Variants in TRPC4 observed in about 807,000 individuals in gnomAD.
TRPC4 encodes short transient receptor potential channel 4.
In TRPC4, 49 loss-of-function variants were observed where a neutral mutation model predicts 99.4. That is an observed-to-expected ratio of 0.49 (90% confidence interval 0.39 to 0.63). The LOEUF (loss-of-function observed/expected upper bound fraction) is 0.63. TRPC4 is among the 20% of genes least tolerant of loss of function. TRPC4 has a pLI of 0.00. For synonymous variants in TRPC4, 454 were observed against 425.9 expected (o/e 1.07, Z -0.81); for missense variants, 898 against 1,152.9 (o/e 0.78, Z 3.20).
At chr13:37,696,682 G>A (rs1953914433) in intron 3 of TRPC4, among the ~76,000 whole-genome samples, 1 of 152,116 alleles carries the variant, frequency 6.6e-6, no homozygotes, top group African/African-American at 2.4e-5. Flanking sequence ...TTTACATAAG[G>A]GCAATCTGAT....
At chr13:37,797,991 T>C (rs1034781371) in intron 1 of TRPC4, among the ~76,000 whole-genome samples, 1 of 152,194 alleles carries the variant, frequency 6.6e-6, no homozygotes, top group Non-Finnish European at 1.5e-5. Context: ...GGCACTTAGA[T>C]AGTGAAGACT....
intron 3 of TRPC4, among the ~76,000 whole-genome samples, chr13:37,731,056 A>G (rs890262597): frequency 5.9e-5 from 9 of 152,048 alleles, no homozygotes; most frequent in Non-Finnish European, 2.9e-5. Flanking sequence ...ATTAAGAAAA[A>G]AAATTCTATA....
At chr13:37,727,358 T>A (rs1302813517) in intron 3 of TRPC4, among the ~76,000 whole-genome samples, 1 of 151,114 alleles carries the variant, frequency 6.6e-6, no homozygotes, top group Non-Finnish European at 1.5e-5. Flanking sequence ...ACAAGAAAAA[T>A]TAGAAAATAA....
At chr13:37,720,490 T>G (rs958337028) in intron 3 of TRPC4, among the ~76,000 whole-genome samples, 8 of 152,094 alleles carry the variant, frequency 5.3e-5, no homozygotes. Context: ...CCTAGAATCA[T>G]TTTTTCTGCG....
At chr13:37,775,378 A>AT (rs1428842485) in intron 2 of TRPC4, among the ~76,000 whole-genome samples, 1 of 148,466 alleles carries the variant, frequency 6.7e-6, no homozygotes, top group East Asian at 2.0e-4. Context: ...TTTTGTTTAG[A>AT]TTTTTTTGCT....
intron 7 of TRPC4, among the ~76,000 whole-genome samples, chr13:37,653,594 C>G (rs1347164790): frequency 6.6e-6 from 1 of 152,108 alleles, no homozygotes; most frequent in Non-Finnish European, 1.5e-5. Context: ...TTCTCAGTGA[C>G]TCTTTGGTTC....
At chr13:37,649,542 G>A (rs1341293683) in intron 8 of TRPC4, among the ~76,000 whole-genome samples, 1 of 151,800 alleles carries the variant, frequency 6.6e-6, no homozygotes, top group African/African-American at 2.4e-5. Flanking sequence ...AGACCAACCT[G>A]GCTAACATGA....
chr13:37,846,604 A>C (rs1400797903), intron 1 of TRPC4, among the ~76,000 whole-genome samples: 1 of 151,934 alleles, frequency 6.6e-6, no homozygotes, highest in East Asian at 1.9e-4. Flanking sequence ...GCATACCGCC[A>C]CAGAAAACCA....
chr13:37,836,873 C>CCATCA (rs1228763491), intron 1 of TRPC4, among the ~76,000 whole-genome samples: 2 of 152,188 alleles, frequency 1.3e-5, no homozygotes, highest in Admixed American at 6.5e-5. Context: ...GCAGCCCCTC[C>CCATCA]CATCACAGGC....
chr13:37,804,386 G>A (rs139704441), intron 1 of TRPC4, among the ~76,000 whole-genome samples: 4 of 152,112 alleles, frequency 2.6e-5, no homozygotes, highest in African/African-American at 7.2e-5. Flanking sequence ...GCAATCTGGC[G>A]CCAGACTCCA....
intron 1 of TRPC4, among the ~76,000 whole-genome samples, chr13:37,801,351 C>G (rs1234584151): frequency 2.6e-5 from 4 of 152,044 alleles, no homozygotes; most frequent in Non-Finnish European, 5.9e-5. Flanking sequence ...ACAATGTTCT[C>G]CTGCATCATC....
chr13:37,646,508 C>T (rs754698205), intron 8 of TRPC4, among the ~76,000 whole-genome samples: 1 of 152,042 alleles, frequency 6.6e-6, no homozygotes, highest in African/African-American at 2.4e-5. Context: ...TTAAATGGAT[C>T]GGGACCTTTT....
In TRPC4 at chr13:37,692,163, A is replaced by T. The variant is rs1473024419; in HGVS notation, c.1070T>A (p.Leu357Gln). 8 of 1,614,044 alleles carry T rather than the reference A, an allele frequency of 5.0e-6. No homozygotes were observed. The African/African-American group carries it at 9.3e-5, about 19-fold the overall frequency. The change falls in exon 4 of 11, where the codon CTG becomes CAG. Residue 357 changes from leucine to glutamine, a missense_variant. By Grantham distance (113) the Leu-to-Gln change is moderately radical. Coordinates refer to ENST00000379705, the MANE Select transcript of TRPC4 (RefSeq NM_016179.4). ...CTTGATAAATGGCTTCCTGATGAAC[A>T]GTCCAAGTGGGCTTTTGGGAGCTAT... ...YLIAPKSPLG[L>Q]FIRKPFIKFI...
intron 3 of TRPC4, among the ~76,000 whole-genome samples, chr13:37,742,855 C>T (rs1955631681): frequency 6.6e-6 from 1 of 152,102 alleles, no homozygotes; most frequent in Admixed American, 6.6e-5. Flanking sequence ...CCTAAGAATA[C>T]ATGCGGTAAA....
intron 10 of TRPC4, among the ~76,000 whole-genome samples, chr13:37,638,606 T>C (rs1306446024): frequency 6.6e-6 from 1 of 152,134 alleles, no homozygotes; most frequent in African/African-American, 2.4e-5. Context: ...TCTTACACAA[T>C]TTAAAAACTA....
rs75792922 is a variant in TRPC4 at position 37,794,372 on chromosome 13, A to G, written c.-27-11012T>C. Among the ~76,000 whole-genome samples, 953 of 152,248 alleles carry G rather than the reference A, an allele frequency of 6.3e-3. 9 individuals carry two copies. Among genetic ancestry groups the G allele is most frequent in the African/African-American group, 0.022 (902 of 41,546 alleles). ...TTTGACTTGTTTTTGATGACTTCGA[A>G]AGCTAACATCAAGACTAGTAGGTAG... On this transcript the variant is annotated intron_variant, in intron 1 of 10. Coordinates refer to ENST00000379705, the MANE Select transcript of TRPC4 (RefSeq NM_016179.4).
intron 2 of TRPC4, among the ~76,000 whole-genome samples, chr13:37,766,178 A>G (rs1956360354): frequency 6.6e-6 from 1 of 151,538 alleles, no homozygotes; most frequent in African/African-American, 2.4e-5. Context: ...TGTAATTTTC[A>G]AATGGCCTGA....
At chr13:37,739,740 G>C (rs1955526267) in intron 3 of TRPC4, among the ~76,000 whole-genome samples, 1 of 151,936 alleles carries the variant, frequency 6.6e-6, no homozygotes, top group South Asian at 2.1e-4. Context: ...TCCTGACCTT[G>C]TGACCTGCCT....
chr13:37,664,763 C>G (rs1566079580), intron 5 of TRPC4, among the ~76,000 whole-genome samples: 1 of 152,174 alleles, frequency 6.6e-6, no homozygotes, highest in Non-Finnish European at 1.5e-5. Flanking sequence ...CTGAGTCCCA[C>G]ATAATGTTTT....
Sources: gnomAD v4.1 joint callset for allele counts (sites outside exome capture counted in the v4.1 genomes callset) on GRCh38, gnomAD v4.1.1 for gene constraint, MANE v1.5 for transcripts, NCBI Gene and HGNC (gene_info 2026-07-23, HGNC 2026-07-21) for gene names.